Variants in RGS12 observed in about 807,000 individuals in gnomAD.
RGS12 encodes the protein regulator of G-protein signaling 12.
In RGS12, 66 loss-of-function variants were observed where a neutral mutation model predicts 120.1. The ratio of observed to expected loss-of-function variants is 0.55; its 90% confidence interval spans 0.45 to 0.67. The LOEUF (loss-of-function observed/expected upper bound fraction) is 0.67. RGS12 is among the 30% of genes least tolerant of loss of function. The pLI, the probability that RGS12 is intolerant of heterozygous loss-of-function variation, is 0.00. For missense variants in RGS12, 1,859 were observed against 1,957.7 expected (o/e 0.95, Z 0.95); for synonymous variants, 827 against 804.7 (o/e 1.03, Z -0.47).
chr4:3,389,637 A>G lies in RGS12; in HGVS notation c.2020+3200A>G, dbSNP rs1023202998. ...AATCCCCTCACCCACTGCAGCCTCCACAGGTGGATGTTCCCGCTGTGACCA... is the reference window on the plus strand; with the variant it reads ...AATCCCCTCACCCACTGCAGCCTCCGCAGGTGGATGTTCCCGCTGTGACCA... On this transcript the variant is annotated intron_variant, in intron 4 of 17. Coordinates refer to ENST00000336727, the MANE Select transcript of RGS12 (RefSeq NM_001394154.1). This position sits in a 1 kb window ranked among gnomAD's most constrained non-coding sequence, Gnocchi z 5.2. Among the ~76,000 whole-genome samples the G allele has an allele frequency of 5.3e-5, 8 of 152,092 alleles. No homozygotes were observed. Among genetic ancestry groups the G allele is most frequent in the Middle Eastern group, 3.2e-3 (1 of 316 alleles).
chr4:3,405,520 C>T (rs1277638075), intron 4 of RGS12, among the ~76,000 whole-genome samples: 1 of 152,194 alleles, frequency 6.6e-6, no homozygotes, highest in East Asian at 1.9e-4. Flanking sequence ...CACACAGCAG[C>T]AGCCACCCTG....
At chr4:3,402,695 C>T (rs1399732102) in intron 4 of RGS12, among the ~76,000 whole-genome samples, 1 of 152,090 alleles carries the variant, frequency 6.6e-6, no homozygotes, top group Non-Finnish European at 1.5e-5. Context: ...GGGGCCAAGC[C>T]ACAACCAGAA....
intron 2 of RGS12, among the ~76,000 whole-genome samples, chr4:3,320,633 G>A (rs1725115549): frequency 6.6e-6 from 1 of 152,204 alleles, no homozygotes; most frequent in African/African-American, 2.4e-5. Context: ...GTAGTAACGT[G>A]TTGTGTTTTA....
chr4:3,419,201 C>T (rs1375529782), intron 9 of RGS12: 2 of 151,986 alleles, frequency 1.3e-5, no homozygotes, highest in East Asian at 1.9e-4. Flanking sequence ...TGTGATGGCA[C>T]ATGCCTGTAA....
At chr4:3,358,042 T>C (rs765741798) in intron 3 of RGS12, among the ~76,000 whole-genome samples, 3 of 152,236 alleles carry the variant, frequency 2.0e-5, no homozygotes, top group Non-Finnish European at 4.4e-5. Context: ...TTTTCTAGTT[T>C]TCATTGTACA....
At chr4:3,376,636 G>A (rs749926214) in intron 3 of RGS12, among the ~76,000 whole-genome samples, 1 of 152,218 alleles carries the variant, frequency 6.6e-6, no homozygotes, top group South Asian at 2.1e-4. Context: ...CTTCCCTTCC[G>A]TGTTGTTCTG....
intron 1 of RGS12, among the ~76,000 whole-genome samples, chr4:3,315,703 G>A (rs1724691874): frequency 6.6e-6 from 1 of 152,208 alleles, no homozygotes; most frequent in African/African-American, 2.4e-5. Flanking sequence ...TTTCTTCTGT[G>A]TGGAGCCCGA....
At chr4:3,286,802 T>C in the RGS12 span, among the ~76,000 whole-genome samples, 1 of 152,044 alleles carries the variant, frequency 6.6e-6, no homozygotes, top group African/African-American at 2.4e-5. Flanking sequence ...ATGTGCAGGG[T>C]TGTGAGAGGG....
At chr4:3,418,715 G>C (rs1311040534) in intron 9 of RGS12, 2 of 152,252 alleles carry the variant, frequency 1.3e-5, no homozygotes, top group Non-Finnish European at 2.9e-5. Flanking sequence ...TCCGAGCAAA[G>C]GCAGCTGAGA....
intron 1 of RGS12, chr4:3,312,428 A>C (rs1367791143): frequency 4.9e-6 from 1 of 206,082 alleles, no homozygotes; most frequent in Non-Finnish European, 1.0e-5. Context: ...CACGTGGTGA[A>C]CACTGTGGAC....
rs1223335458 is a variant in RGS12, at chr4:3,317,868, C to T, written c.1698C>T (p.Ser566=). The T allele has an allele frequency of 1.4e-5, 22 of 1,613,614 alleles. No individual in the cohort carries two copies. Among genetic ancestry groups the T allele is most frequent in the Non-Finnish European group, 1.7e-6 (2 of 1,179,964 alleles). Residue 566 remains serine, a synonymous_variant, in exon 2 of 18, where the codon AGC becomes AGT. Coordinates refer to ENST00000336727, the MANE Select transcript of RGS12 (RefSeq NM_001394154.1). ...CAGATTCCACCGATGGCTGGTCCAGCATCAACTGCGGCACACTGCCCCCTC... is the reference window on the plus strand; with the variant it reads ...CAGATTCCACCGATGGCTGGTCCAGTATCAACTGCGGCACACTGCCCCCTC... ...SYTDSTDGWS[S]INCGTLPPPM...
At chr4:3,404,547 G>A (rs1335648141) in intron 4 of RGS12, among the ~76,000 whole-genome samples, 5 of 152,224 alleles carry the variant, frequency 3.3e-5, no homozygotes, top group African/African-American at 1.2e-4. Flanking sequence ...ACACATCAGA[G>A]CTCATGGGAG....
At position 3,430,538 on chromosome 4, in the gene RGS12, A is replaced by G. The variant is rs369366292; in HGVS notation, c.3697A>G (p.Thr1233Ala). Residue 1233 changes from threonine to alanine, a missense_variant, in exon 17 of 18, where the codon ACT becomes GCT. Physicochemically the swap from Thr to Ala is moderately conservative, Grantham distance 58 (BLOSUM62 0). This residue lies in a region of RGS12 where 517 missense variants were observed against 488.5 expected (regional missense o/e 1.06). Transcript: ENST00000336727. Reference protein sequence around the residue: ...PPGSTELTLPTPAAVAKGFSK... With the variant: ...PPGSTELTLPAPAAVAKGFSK... ...TGGTTCCACAGAACTCACCCTCCCC[A>G]CTCCAGCTGCTGTGGCCAAGGGCTT... 11 of 1,612,692 alleles carry G rather than the reference A, an allele frequency of 6.8e-6. No individual in the cohort carries two copies. The highest frequency in any genetic ancestry group is 9.3e-6 in the Non-Finnish European group (11 of 1,179,868).
intron 3 of RGS12, among the ~76,000 whole-genome samples, chr4:3,357,152 G>A (rs1297147126): frequency 6.6e-6 from 1 of 152,080 alleles, no homozygotes; most frequent in Admixed American, 6.6e-5. Context: ...ATCTTTTCAT[G>A]TGCTTTTTGG....
intron 4 of RGS12, among the ~76,000 whole-genome samples, chr4:3,392,680 G>A (rs1051491658): frequency 6.6e-6 from 1 of 151,908 alleles, no homozygotes; most frequent in East Asian, 1.9e-4. Flanking sequence ...TTCTCTTCAC[G>A]CTTTGCTTTA....
intron 3 of RGS12, among the ~76,000 whole-genome samples, chr4:3,373,265 C>T (rs1297168805): frequency 2.0e-5 from 3 of 152,210 alleles, no homozygotes; most frequent in East Asian, 1.9e-4. Context: ...CTACCACGGG[C>T]GGGCCGGCTG....
At chr4:3,421,736 T>G (rs1723039641) in intron 10 of RGS12, among the ~76,000 whole-genome samples, 1 of 152,212 alleles carries the variant, frequency 6.6e-6, no homozygotes, top group Admixed American at 6.5e-5. Flanking sequence ...GGCCCAGGCT[T>G]GGAGCCGCTC....
rs1717404795 is a variant in RGS12 at position 3,374,402 on chromosome 4, G to T, written c.1999-12014G>T. On this transcript the variant is annotated intron_variant, in intron 3 of 17. Transcript: ENST00000336727. This position sits in a 1 kb window ranked among gnomAD's most constrained non-coding sequence, Gnocchi z 6.3. ...CTTCCGCCACCACCTTCCACGACAGGCTCGATTCGTCCCTCGCATGCTGCC... is the reference window on the plus strand; with the variant it reads ...CTTCCGCCACCACCTTCCACGACAGTCTCGATTCGTCCCTCGCATGCTGCC... 6.6e-6 allele frequency among the ~76,000 whole-genome samples: 1 copy of T among 152,116 alleles called. No individual in the cohort carries two copies. The highest frequency in any genetic ancestry group is 2.4e-5 in the African/African-American group (1 of 41,424).
chr4:3,319,632 A>G (rs1488351794), intron 2 of RGS12, among the ~76,000 whole-genome samples: 1 of 152,166 alleles, frequency 6.6e-6, no homozygotes, highest in African/African-American at 2.4e-5. Flanking sequence ...TTTTGTAAAG[A>G]TGGGATTTTG....
Sources: gnomAD v4.1 joint callset for allele counts (sites outside exome capture counted in the v4.1 genomes callset) on GRCh38, gnomAD v4.1.1 for gene constraint, gnomAD v4.1.1 regional missense constraint, Gnocchi (gnomAD v3.1) non-coding constraint, MANE v1.5 for transcripts, NCBI Gene and HGNC (gene_info 2026-07-23, HGNC 2026-07-21) for gene names.